Variants in SGPP2 observed in about 807,000 individuals in gnomAD.
SGPP2 encodes sphingosine-1-phosphate phosphatase 2, also known as sphingosine 1-phosphate phosphohydrolase 2.
In SGPP2, 30 loss-of-function variants were observed where a neutral mutation model predicts 33.9. The observed-to-expected ratio is 0.89, with a 90% CI of 0.66 to 1.20. SGPP2 has a LOEUF of 1.20. SGPP2 is among the 50% of genes most tolerant of loss of function. SGPP2 has a pLI of 0.00. For missense variants in SGPP2, 458 were observed against 532.1 expected, an observed-to-expected ratio of 0.86 and a Z score of 1.37; for synonymous variants, 233 against 225.0, an observed-to-expected ratio of 1.04 and a Z score of -0.32.
intron 1 of SGPP2, among the ~76,000 whole-genome samples, chr2:222,473,924 CAAA>C (rs59649395): frequency 1.6e-5 from 2 of 127,438 alleles, no homozygotes; most frequent in Non-Finnish European, 1.6e-5. Context: ...AACTCTGTCT[CAAA>C]AAAAAAAAAA....
At chr2:222,475,158 C>A (rs1697914171) in intron 2 of SGPP2, among the ~76,000 whole-genome samples, 1 of 152,084 alleles carries the variant, frequency 6.6e-6, no homozygotes, top group East Asian at 1.9e-4. Flanking sequence ...GGTCAGGTGC[C>A]TCCCAGGTTC....
chr2:222,436,102 C>G (rs111616788), intron 1 of SGPP2, among the ~76,000 whole-genome samples: 2,756 of 152,268 alleles, frequency 0.018, 39 homozygotes, highest in Middle Eastern at 0.031. Flanking sequence ...TAGTCTGGGT[C>G]AGTCACCCCA....
chr2:222,531,722 G>A (rs1698841840), intron 4 of SGPP2, among the ~76,000 whole-genome samples: 2 of 152,138 alleles, frequency 1.3e-5, no homozygotes, highest in South Asian at 4.1e-4. Flanking sequence ...ATATATGGAG[G>A]TGGGTCCTGA....
chr2:222,436,547 A>T (rs1697243545), intron 1 of SGPP2, among the ~76,000 whole-genome samples: 1 of 152,156 alleles, frequency 6.6e-6, no homozygotes, highest in African/African-American at 2.4e-5. Flanking sequence ...CTTCAGGATG[A>T]TGGGGAACAT....
At chr2:222,479,785 TG>T (rs1280898291) in intron 2 of SGPP2, among the ~76,000 whole-genome samples, 5 of 151,944 alleles carry the variant, frequency 3.3e-5, no homozygotes, top group Non-Finnish European at 7.4e-5. Context: ...TATATCCTAC[TG>T]CTCAAGGTCA....
intron 2 of SGPP2, among the ~76,000 whole-genome samples, chr2:222,494,389 TAGAG>T (rs1421178888): frequency 6.6e-6 from 1 of 152,196 alleles, no homozygotes; most frequent in Middle Eastern, 3.2e-3. Context: ...GCGGTAGAGA[TAGAG>T]AGAATGTTCA....
At chr2:222,472,928 C>T (rs185220246) in intron 1 of SGPP2, among the ~76,000 whole-genome samples, 2,644 of 152,218 alleles carry the variant, frequency 0.017, 106 homozygotes, top group African/African-American at 0.061. Context: ...GCAGGAGAAT[C>T]GCTTGAACCT....
At chr2:222,515,329 C>CT (rs984411775) in intron 2 of SGPP2, among the ~76,000 whole-genome samples, 3 of 151,572 alleles carry the variant, frequency 2.0e-5, no homozygotes, top group African/African-American at 4.8e-5. Context: ...TATTGAACCA[C>CT]TTTTTTTTTC....
At position 222,465,277 on chromosome 2, in the gene SGPP2, T is replaced by C. The variant is rs1159217266; in HGVS notation, c.220-9291T>C. ...GGCTAGATCACCCAACTTGTAATTC[T>C]ATCTGGACTTGAAGATGAAAGAAGA... On this transcript the variant is annotated intron_variant, in intron 1 of 4. Transcript: ENST00000321276. This position sits in a 1 kb window ranked among gnomAD's most constrained non-coding sequence, Gnocchi z 4.1. Among the ~76,000 whole-genome samples, 1 of 152,250 alleles carries C rather than the reference T, an allele frequency of 6.6e-6. No individual in the cohort carries two copies. Among genetic ancestry groups the C allele is most frequent in the Non-Finnish European group, 1.5e-5 (1 of 68,048 alleles).
chr2:222,456,567 A>T lies in SGPP2; in HGVS notation c.220-18001A>T, dbSNP rs78710475. Reference sequence around the variant, plus strand: ...TCTAAAATGATTGAAATGTTGAAGCATATTTATTGTATTTATACCTAATCC... The same window carrying T: ...TCTAAAATGATTGAAATGTTGAAGCTTATTTATTGTATTTATACCTAATCC... On this transcript the variant is annotated intron_variant, in intron 1 of 4. Coordinates refer to ENST00000321276, the MANE Select transcript of SGPP2 (RefSeq NM_152386.4). Among the ~76,000 whole-genome samples, 112 of 152,346 alleles carry T rather than the reference A, an allele frequency of 7.4e-4. No individual in the cohort carries two copies. The East Asian group carries it at 0.018, about 25-fold the overall frequency.
upstream of SGPP2, chr2:222,424,536 T>G (rs1697027982): frequency 9.2e-7 from 1 of 1,085,322 alleles, no homozygotes; most frequent in African/African-American, 1.7e-5. Context: ...GAGGCGGGAG[T>G]GGCGGTGCCA....
chr2:222,495,575 T>C (rs1698266990), intron 2 of SGPP2, among the ~76,000 whole-genome samples: 1 of 152,194 alleles, frequency 6.6e-6, no homozygotes, highest in African/African-American at 2.4e-5. Flanking sequence ...GAGCTCTCTA[T>C]GCTGCTAGAA....
At chr2:222,425,496 C>T (rs1308282504) in intron 1 of SGPP2, among the ~76,000 whole-genome samples, 1 of 152,192 alleles carries the variant, frequency 6.6e-6, no homozygotes, top group Non-Finnish European at 1.5e-5. Flanking sequence ...AAGCTCGCTA[C>T]GCTCCCGCTA....
At chr2:222,495,243 A>G (rs1402242718) in intron 2 of SGPP2, among the ~76,000 whole-genome samples, 2 of 151,626 alleles carry the variant, frequency 1.3e-5, no homozygotes, top group Non-Finnish European at 2.9e-5. Context: ...GTGAGTCCAT[A>G]TCTCAACAAA....
intron 2 of SGPP2, among the ~76,000 whole-genome samples, chr2:222,475,490 G>A (rs1469483058): frequency 6.6e-6 from 1 of 152,160 alleles, no homozygotes; most frequent in Non-Finnish European, 1.5e-5. Flanking sequence ...AATTTGATCA[G>A]AACCTAAAAT....
chr2:222,445,627 C>A (rs1697387159), intron 1 of SGPP2, among the ~76,000 whole-genome samples: 1 of 152,186 alleles, frequency 6.6e-6, no homozygotes, highest in Non-Finnish European at 1.5e-5. Flanking sequence ...AGTGGGCAGT[C>A]CCCAGAGGAG....
In SGPP2 at chr2:222,558,486, A is replaced by G. The variant is rs374244616; in HGVS notation, c.788A>G (p.Asn263Ser). 21 of 1,613,904 alleles carry G rather than the reference A, an allele frequency of 1.3e-5. No homozygotes were observed. Among genetic ancestry groups the G allele is most frequent in the East Asian group, 2.2e-5 (1 of 44,882 alleles). The change falls in exon 5 of 5, where the codon AAT (asparagine) becomes AGT (serine). Residue 263 changes from asparagine to serine, a missense_variant. Coordinates refer to ENST00000321276, the MANE Select transcript of SGPP2 (RefSeq NM_152386.4). ...GTTGTGCCATTCTTCCTGTGTTACA[A>G]TTACCCTGTTTCTGATTACTACAGC... ...VIVVPFFLCY[N>S]YPVSDYYSPT...
At chr2:222,529,628 C>T (rs1391951468) in intron 4 of SGPP2, among the ~76,000 whole-genome samples, 1 of 152,220 alleles carries the variant, frequency 6.6e-6, no homozygotes, top group Non-Finnish European at 1.5e-5. Flanking sequence ...AGCCACTGCA[C>T]CCAGCCTCTT....
chr2:222,478,028 G>A (rs1697974205), intron 2 of SGPP2, among the ~76,000 whole-genome samples: 1 of 152,138 alleles, frequency 6.6e-6, no homozygotes, highest in African/African-American at 2.4e-5. Context: ...CCCCTGTGCT[G>A]AGAGTTCTGT....
Sources: allele counts gnomAD v4.1 joint callset (sites outside exome capture counted in the v4.1 genomes callset), GRCh38; gene constraint gnomAD v4.1.1; non-coding constraint Gnocchi (gnomAD v3.1); transcripts MANE v1.5; gene names NCBI Gene and HGNC (gene_info 2026-07-23, HGNC 2026-07-21).